KIF16B: variants seen among roughly 807,000 people sequenced by gnomAD.
The protein encoded by KIF16B is kinesin-like protein KIF16B.
Under a neutral mutation model 156.3 loss-of-function variants are expected in KIF16B, and 98 were observed. That is an observed-to-expected ratio of 0.63 (90% CI 0.53 to 0.74). The LOEUF (loss-of-function observed/expected upper bound fraction) is 0.74. Ranked by LOEUF, KIF16B falls within the 30% of genes least tolerant of loss-of-function variation. KIF16B has a pLI of 0.00. For missense variants in KIF16B, 1,421 were observed against 1,606.5 expected (o/e 0.88, Z 1.97); for synonymous variants, 564 against 583.7 (o/e 0.97, Z 0.49).
chr20:16,312,127 G>A (rs73597760), intron 25 of KIF16B, among the ~76,000 whole-genome samples: 23,038 of 152,150 alleles, frequency 0.15, 1,909 homozygotes, highest in East Asian at 0.32. Flanking sequence ...TAAGAAAAAT[G>A]TTCCGCTAGA....
intron 1 of KIF16B, among the ~76,000 whole-genome samples, chr20:16,567,845 G>A (rs944296113): frequency 1.1e-4 from 16 of 152,130 alleles, no homozygotes; most frequent in Admixed American, 6.5e-4. Context: ...CCAGCTACTC[G>A]GGAGGCTGAG....
chr20:16,505,145 AG>A (rs959449697), intron 9 of KIF16B, among the ~76,000 whole-genome samples: 3 of 152,180 alleles, frequency 2.0e-5, no homozygotes, highest in Admixed American at 2.0e-4. Context: ...AGAGAGGGGA[AG>A]GGAAGAGGAA....
chr20:16,289,238 A>G (rs2063276927), intron 25 of KIF16B, among the ~76,000 whole-genome samples: 2 of 152,182 alleles, frequency 1.3e-5, no homozygotes, highest in Admixed American at 1.3e-4. Flanking sequence ...GTTTCTACTG[A>G]ATGTGTATCG....
At chr20:16,380,300 T>G in intron 18 of KIF16B, 137 bp from the exon 19 acceptor site, 1 of 725,374 alleles carries the variant, frequency 1.4e-6, no homozygotes, top group South Asian at 5.3e-5. Context: ...AGTAACTGCT[T>G]TCCTTTAAAT....
intron 1 of KIF16B, among the ~76,000 whole-genome samples, chr20:16,557,695 T>G (rs1366880193): frequency 6.6e-6 from 1 of 152,160 alleles, no homozygotes; most frequent in African/African-American, 2.4e-5. Context: ...CACCTGGTCC[T>G]CCACTCGAAG....
chr20:16,357,662 G>GA (rs981346329), intron 22 of KIF16B, among the ~76,000 whole-genome samples: 31 of 152,174 alleles, frequency 2.0e-4, no homozygotes, highest in African/African-American at 7.5e-4. Context: ...GGTGTAACTT[G>GA]AGAGTGTCAA....
At chr20:16,463,245 C>T (rs528925296) in intron 12 of KIF16B, among the ~76,000 whole-genome samples, 3 of 152,194 alleles carry the variant, frequency 2.0e-5, no homozygotes, top group East Asian at 3.8e-4. Flanking sequence ...TGTGTGTCCA[C>T]GTCCTTGATT....
chr20:16,500,606 C>G (rs2068593226), intron 10 of KIF16B, among the ~76,000 whole-genome samples: 1 of 152,042 alleles, frequency 6.6e-6, no homozygotes. Context: ...AAGTTGATAT[C>G]ATGTCTGATT....
At chr20:16,314,431 G>T (rs556031818) in intron 24 of KIF16B, among the ~76,000 whole-genome samples, 4 of 152,164 alleles carry the variant, frequency 2.6e-5, no homozygotes. Flanking sequence ...ACCTTGGAGT[G>T]GGTTGAAGGT....
At chr20:16,380,244 G>A in intron 18 of KIF16B, 81 bp from the exon 19 acceptor site, 1 of 1,286,700 alleles carries the variant, frequency 7.8e-7, no homozygotes, top group Non-Finnish European at 1.0e-6. Context: ...TTCTGAAAAT[G>A]CACATACAAC....
intron 25 of KIF16B, among the ~76,000 whole-genome samples, chr20:16,290,288 A>G (rs1325217615): frequency 6.6e-6 from 1 of 152,244 alleles, no homozygotes; most frequent in Admixed American, 6.5e-5. Context: ...GGCATCACAA[A>G]GTCTCCCCTT....
intron 1 of KIF16B, among the ~76,000 whole-genome samples, chr20:16,571,629 T>C (rs1423700427): frequency 6.6e-6 from 1 of 151,302 alleles, no homozygotes; most frequent in African/African-American, 2.4e-5. Context: ...GCTTAACAAA[T>C]ACTTTTTTTT....
intron 2 of KIF16B, among the ~76,000 whole-genome samples, chr20:16,527,619 C>G (rs1175746361): frequency 1.3e-5 from 2 of 152,028 alleles, no homozygotes; most frequent in African/African-American, 4.8e-5. Context: ...CTCTGTTGCC[C>G]AGGCTGGAGT....
At chr20:16,306,156 T>A (rs1373112901) in intron 25 of KIF16B, among the ~76,000 whole-genome samples, 1 of 152,216 alleles carries the variant, frequency 6.6e-6, no homozygotes, top group African/African-American at 2.4e-5. Context: ...GTTCCTGTGG[T>A]TCACATGGTT....
intron 24 of KIF16B, among the ~76,000 whole-genome samples, chr20:16,326,395 C>T: frequency 6.6e-6 from 1 of 150,926 alleles, no homozygotes; most frequent in East Asian, 1.9e-4. Flanking sequence ...TCTTTGCAAA[C>T]TATGTATTCG....
intron 23 of KIF16B, among the ~76,000 whole-genome samples, chr20:16,354,313 T>A (rs1173049102): frequency 6.6e-6 from 1 of 152,252 alleles, no homozygotes; most frequent in African/African-American, 2.4e-5. Context: ...AATCATTGCA[T>A]GTACCTCACT....
intron 22 of KIF16B, among the ~76,000 whole-genome samples, chr20:16,365,915 G>C (rs1217489634): frequency 6.6e-6 from 1 of 152,286 alleles, no homozygotes; most frequent in East Asian, 1.9e-4. Flanking sequence ...AGTGGATGGA[G>C]GGTGGGCTGA....
intron 1 of KIF16B, among the ~76,000 whole-genome samples, chr20:16,539,095 T>A (rs920687201): frequency 6.6e-6 from 1 of 152,044 alleles, no homozygotes; most frequent in Non-Finnish European, 1.5e-5. Flanking sequence ...CAATCTTAGG[T>A]ATTTCTTTAG....
At chr20:16,421,678 T>A (rs565211407) in intron 15 of KIF16B, among the ~76,000 whole-genome samples, 1 of 152,286 alleles carries the variant, frequency 6.6e-6, no homozygotes, top group South Asian at 2.1e-4. Context: ...CTTGCTTTTT[T>A]GTACAATGCA....
Sources: gnomAD v4.1 joint callset for allele counts (sites outside exome capture counted in the v4.1 genomes callset) on GRCh38, gnomAD v4.1.1 for gene constraint, MANE v1.5 for transcripts, NCBI Gene and HGNC (gene_info 2026-07-23, HGNC 2026-07-21) for gene names.